The following TNFRSF1A variants were observed in gnomAD, a reference collection of about 807,000 sequenced individuals.
TNFRSF1A encodes tumor necrosis factor receptor superfamily member 1A.
In TNFRSF1A, 9 loss-of-function variants were observed where a neutral mutation model predicts 41.6. The ratio of observed to expected loss-of-function variants is 0.22; its 90% CI spans 0.13 to 0.38. The LOEUF is 0.38. Ranked by LOEUF, TNFRSF1A falls within the 10% of genes least tolerant of loss-of-function variation. TNFRSF1A has a pLI of 1.00. For synonymous variants in TNFRSF1A, 254 were observed against 248.6 expected (o/e 1.02, Z -0.21); for missense variants, 463 against 591.5 (o/e 0.78, Z 2.25).
chr12:6,339,267 C>G (rs1195025571), intron 1 of TNFRSF1A, among the ~76,000 whole-genome samples: 1 of 152,216 alleles, frequency 6.6e-6, no homozygotes, highest in Non-Finnish European at 1.5e-5. Context: ...CAGATGTCAG[C>G]TCCACATCCA....
chr12:6,338,639 G>T (rs1012609160), intron 1 of TNFRSF1A, among the ~76,000 whole-genome samples: 1 of 150,474 alleles, frequency 6.6e-6, no homozygotes, highest in East Asian at 1.9e-4. Flanking sequence ...AAGTGCAGTG[G>T]CACAATCATA....
Position 6,329,801 on chromosome 12 carries a change from G to A in TNFRSF1A, c.1034C>T (p.Ala345Val). 1 of 1,602,540 alleles carries A rather than the reference G, an allele frequency of 6.2e-7. No homozygotes were observed. Among genetic ancestry groups the A allele is most frequent in the Non-Finnish European group, 8.5e-7 (1 of 1,176,160 alleles). ...PNPLQKWEDS[A>V]HKPQSLDTDD... ...ACTGTCTAGGCTCTGTGGCTTGTGGGCGCTGTCCTCCCACTTCTGAAGGGG... is the reference window on the plus strand; with the variant it reads ...ACTGTCTAGGCTCTGTGGCTTGTGGACGCTGTCCTCCCACTTCTGAAGGGG... Residue 345 changes from alanine (A) to valine (V), a missense_variant, in exon 9 of 10, where the codon GCC becomes GTC. Around this residue, in one of 4 missense-constraint regions of TNFRSF1A, gnomAD observed 277 missense variants for 288.8 expected, o/e 0.96. Coordinates refer to ENST00000162749, the MANE Select transcript of TNFRSF1A (RefSeq NM_001065.4).
chr12:6,340,580 G>A (rs988872939), intron 1 of TNFRSF1A, among the ~76,000 whole-genome samples: 1 of 152,158 alleles, frequency 6.6e-6, no homozygotes, highest in Non-Finnish European at 1.5e-5. Flanking sequence ...CTGGGGACCT[G>A]GGGCCGGGAC....
intron 6 of TNFRSF1A, 58 bp downstream of exon 6, chr12:6,330,795 T>G: frequency 2.5e-6 from 4 of 1,583,780 alleles, no homozygotes; most frequent in Non-Finnish European, 3.5e-6. Context: ...GATGGACGGG[T>G]GGGGGCAAGA....
rs1948012552 is a variant in TNFRSF1A at position 6,329,786 on chromosome 12, C to A, written c.1049G>T (p.Ser350Ile). ...CCGCGGGAGAAACTCACTGTCTAGG[C>A]TCTGTGGCTTGTGGGCGCTGTCCTC... ...KWEDSAHKPQ[S>I]LDTDDPATLY... The change falls in exon 9 of 10, where the codon AGC becomes ATC. Residue 350 changes from serine (S) to isoleucine (I), a missense_variant. Physicochemically the swap from Ser to Ile is moderately radical, Grantham distance 142 (BLOSUM62 -2). Around this residue, in one of 4 missense-constraint regions of TNFRSF1A, gnomAD observed 277 missense variants for 288.8 expected, o/e 0.96. Transcript: ENST00000162749. 7 of 1,605,572 alleles carry A rather than the reference C, an allele frequency of 4.4e-6. No individual in the cohort carries two copies. The East Asian group carries it at 1.3e-4, about 31-fold the overall frequency.
rs1055889922 is a variant in TNFRSF1A, at chr12:6,337,099, T to G, written c.40-2855A>C. Reference sequence around the variant, plus strand: ...CCAGCCCTGCTTCCTAGGCTTCCCCTGGCCCCCAGAATGCTCCAGGTCAGC... The same window carrying G: ...CCAGCCCTGCTTCCTAGGCTTCCCCGGGCCCCCAGAATGCTCCAGGTCAGC... On this transcript the variant is annotated intron_variant, in intron 1 of 9. Transcript: ENST00000162749. The surrounding 1 kb of genome is among the most constrained non-coding windows in gnomAD (Gnocchi z 4.6). 2.0e-5 allele frequency among the ~76,000 whole-genome samples: 3 copies of G among 152,206 alleles called. No individual in the cohort carries two copies. Among genetic ancestry groups the G allele is most frequent in the African/African-American group, 2.4e-5 (1 of 41,454 alleles).
Position 6,334,312 on chromosome 12 carries a change from A to T in TNFRSF1A, c.40-68T>A, listed in dbSNP as rs1302875787. On this transcript the variant is annotated intron_variant, in intron 1 of 9. Coordinates refer to ENST00000162749, the MANE Select transcript of TNFRSF1A (RefSeq NM_001065.4). This position sits in a 1 kb window ranked among gnomAD's most constrained non-coding sequence, Gnocchi z 5.1. ...GGGATGGGAAGCTTAGGGGTAGCAG[A>T]TCTAAAACTTCCCTGGCTCAAGTCC... 1 of 1,446,054 alleles carries T rather than the reference A, an allele frequency of 6.9e-7. No homozygotes were observed. Among genetic ancestry groups the T allele is most frequent in the South Asian group, 1.2e-5 (1 of 83,020 alleles). The allele number at this position is 1,446,054 out of a possible 1,614,324, so 89.6% of individuals were successfully genotyped here.
In TNFRSF1A at chr12:6,330,896, C is replaced by T. The variant is rs1948042341; in HGVS notation, c.582G>A (p.Leu194=). Reference sequence around the variant, plus strand: ...TAACATTCTCAATCTGGGGTAGGCACAACTTCGTGCACTCCAGGCTTTTCT... The same window carrying T: ...TAACATTCTCAATCTGGGGTAGGCATAACTTCGTGCACTCCAGGCTTTTCT... ...NCKKSLECTK[L]CLPQIENVKG... is the part of the protein sequence containing the mutation. The change falls in exon 6 of 10, where the codon TTG becomes TTA. Residue 194 remains leucine (L), a synonymous_variant. Transcript: ENST00000162749. The T allele has an allele frequency of 1.2e-6, 2 of 1,613,514 alleles. No individual in the cohort carries two copies. Among genetic ancestry groups the T allele is most frequent in the South Asian group, 2.2e-5 (2 of 91,040 alleles).
At chr12:6,338,677 G>A (rs1275164006) in intron 1 of TNFRSF1A, among the ~76,000 whole-genome samples, 1 of 151,654 alleles carries the variant, frequency 6.6e-6, no homozygotes, top group Non-Finnish European at 1.5e-5. Context: ...CCACCAGGAC[G>A]GAATGTAGTG....
chr12:6,331,008 T>A (rs886578010), intron 5 of TNFRSF1A, 82 bp from the exon 6 acceptor site: 13 of 1,184,928 alleles, frequency 1.1e-5, no homozygotes, highest in Non-Finnish European at 1.6e-5. Context: ...TTGTTGGACA[T>A]CCTTTCTTTA....
rs1325524870 is a variant in TNFRSF1A at position 6,329,500 on chromosome 12, G to T, written c.1180C>A (p.Arg394Ser). The T allele has an allele frequency of 2.5e-6, 4 of 1,594,734 alleles. No individual in the cohort carries two copies. Among genetic ancestry groups the T allele is most frequent in the Non-Finnish European group, 3.4e-6 (4 of 1,177,970 alleles). ...EIDRLELQNG[R>S]CLREAQYSML... is the part of the protein sequence containing the mutation. Reference sequence around the variant, plus strand: ...CTGTATTGCGCCTCGCGCAGGCAGCGCCCGTTCTGCAGCTCCAGCCGATCG... The same window carrying T: ...CTGTATTGCGCCTCGCGCAGGCAGCTCCCGTTCTGCAGCTCCAGCCGATCG... The change falls in exon 10 of 10, where the codon CGC (arginine) becomes AGC (serine). Residue 394 changes from arginine (R) to serine (S), a missense_variant. Arg to Ser is a moderately radical substitution (Grantham distance 110, BLOSUM62 -1). Coordinates refer to ENST00000162749, the MANE Select transcript of TNFRSF1A (RefSeq NM_001065.4).
At chr12:6,332,481 G>C (rs112633159) in intron 5 of TNFRSF1A, among the ~76,000 whole-genome samples, 1 of 147,890 alleles carries the variant, frequency 6.8e-6, no homozygotes, top group Non-Finnish European at 1.5e-5. Flanking sequence ...CAGGCTCAGA[G>C]ATGTTAAGAA....
At chr12:6,338,366 G>A (rs1024082523) in intron 1 of TNFRSF1A, among the ~76,000 whole-genome samples, 6 of 151,980 alleles carry the variant, frequency 3.9e-5, no homozygotes, top group African/African-American at 9.7e-5. Context: ...GGTCCTCTCC[G>A]CATTCCTGGG....
rs746923911 is a variant in TNFRSF1A, at chr12:6,329,597, G to C, written c.1083C>G (p.Ala361=). The change falls in exon 10 of 10, where the codon GCC becomes GCG. Residue 361 remains alanine, a synonymous_variant. Transcript: ENST00000162749. ...LDTDDPATLY[A]VVENVPPLRW... The stretch of plus-strand genomic sequence containing the variant: ...GCAACGGGGGCACGTTCTCCACCAC[G>C]GCGTACAGCGTCGCGGGGTCATCAG... 7.5e-6 allele frequency: 12 copies of C among 1,593,156 alleles called. No individual in the cohort carries two copies. In the Admixed American group the frequency reaches 8.4e-5, roughly 11 times the overall value.
chr12:6,330,996 G>A, intron 5 of TNFRSF1A, 70 bp from the exon 6 acceptor site: 1 of 1,311,104 alleles, frequency 7.6e-7, no homozygotes, highest in Non-Finnish European at 1.1e-6. Context: ...CAACCACACA[G>A]ATTGTTGGAC....
chr12:6,341,891 GACTCGGTCTGTCCA>G lies in TNFRSF1A; in HGVS notation c.-91_-78del. 1 of 1,546,798 alleles carries G rather than the reference GACTCGGTCTGTCCA, an allele frequency of 6.5e-7. No homozygotes were observed. Among genetic ancestry groups the G allele is most frequent in the African/African-American group, 1.4e-5 (1 of 73,728 alleles). ...CAGCGGCAGTGCTGGGGCTTCCCGG[GACTCGGTCTGTCCA>G]GGACGTCCCAAGTGCCTTGGGGTGA... On this transcript the variant is annotated 5_prime_UTR_variant, in exon 1 of 10. It introduces an in-frame stop codon into an upstream open reading frame of the 5' UTR. Coordinates refer to ENST00000162749, the MANE Select transcript of TNFRSF1A (RefSeq NM_001065.4). This position sits in a 1 kb window ranked among gnomAD's most constrained non-coding sequence, Gnocchi z 4.6.
In TNFRSF1A at chr12:6,329,767, G is replaced by A; in HGVS notation, c.1057+11C>T. ...CCAGCCTCCTCGTCTCCAGCCGCGG[G>A]AGAAACTCACTGTCTAGGCTCTGTG... On this transcript the variant is annotated intron_variant, in intron 9 of 9. Transcript: ENST00000162749. 4.4e-6 allele frequency: 7 copies of A among 1,598,066 alleles called. No homozygotes were observed. The African/African-American group carries it at 5.3e-5, about 12-fold the overall frequency.
At chr12:6,338,055 C>T (rs1948142635) in intron 1 of TNFRSF1A, among the ~76,000 whole-genome samples, 1 of 152,162 alleles carries the variant, frequency 6.6e-6, no homozygotes, top group African/African-American at 2.4e-5. Context: ...TGGTGTGCTC[C>T]TCTCCTTTTG....
Position 6,333,250 on chromosome 12 carries a change from G to T in TNFRSF1A, c.473-103C>A, listed in dbSNP as rs1948073811. ...ACAGGGTGGGGGCGGCCAGAGAGGA[G>T]TTGGTTGTCAGACCCACAGAATACA... is the stretch of plus-strand genomic sequence containing the variant. On this transcript the variant is annotated intron_variant, in intron 4 of 9. Transcript: ENST00000162749. This position sits in a 1 kb window ranked among gnomAD's most constrained non-coding sequence, Gnocchi z 6.3. The T allele has an allele frequency of 6.4e-7, 1 of 1,551,206 alleles. No individual in the cohort carries two copies. Among genetic ancestry groups the T allele is most frequent in the Non-Finnish European group, 8.8e-7 (1 of 1,133,380 alleles).
Sources: allele counts gnomAD v4.1 joint callset (sites outside exome capture counted in the v4.1 genomes callset), GRCh38; gene constraint gnomAD v4.1.1; regional missense constraint gnomAD v4.1.1; non-coding constraint Gnocchi (gnomAD v3.1); transcripts MANE v1.5; gene names NCBI Gene and HGNC (gene_info 2026-07-23, HGNC 2026-07-21).